Variants in SYNDIG1L observed in about 807,000 individuals in gnomAD.
SYNDIG1L encodes the protein synapse differentiation-inducing gene protein 1-like.
SYNDIG1L carries 13 observed loss-of-function variants against 20.1 expected under a neutral mutation model. The observed-to-expected ratio is 0.65, with a 90% CI of 0.42 to 1.03. The LOEUF (loss-of-function observed/expected upper bound fraction) is 1.03, where lower values mean the gene tolerates loss of function less well. Among genes scored for constraint, SYNDIG1L ranks in the 50% least tolerant of loss-of-function variants. The pLI, the probability that SYNDIG1L is intolerant of heterozygous loss-of-function variation, is 0.00. For synonymous variants in SYNDIG1L, 128 were observed against 129.3 expected (o/e 0.99, Z 0.07); for missense variants, 294 against 305.1 (o/e 0.96, Z 0.27).
the SYNDIG1L span, among the ~76,000 whole-genome samples, chr14:74,449,725 A>G: frequency 2.0e-5 from 3 of 152,016 alleles, no homozygotes; most frequent in Admixed American, 6.6e-5. Flanking sequence ...TCTCCACACC[A>G]TGATTCTGTA....
the SYNDIG1L span, among the ~76,000 whole-genome samples, chr14:74,436,181 C>G: frequency 6.6e-6 from 1 of 151,864 alleles, no homozygotes; most frequent in Admixed American, 6.6e-5. Flanking sequence ...CAGAGTACTC[C>G]CTTTGCATGT....
Position 74,409,807 on chromosome 14 carries a change from A to G in SYNDIG1L, c.-57-6T>C. On this transcript the variant is annotated splice_region_variant and splice_polypyrimidine_tract_variant and intron_variant, in intron 1 of 3. Coordinates refer to ENST00000331628, the MANE Select transcript of SYNDIG1L (RefSeq NM_001105579.2). ...AGCTGAGCAGTCCTCAGAGCCTGTC[A>G]GAAGAGCAAGACAGACAAGCACTGA... 1 of 1,378,868 alleles carries G rather than the reference A, an allele frequency of 7.3e-7. No individual in the cohort carries two copies. The highest frequency in any genetic ancestry group is 2.2e-4 in the Middle Eastern group (1 of 4,606). 85.4% of individuals were successfully genotyped at this position (1,378,868 alleles called of 1,614,324 possible).
Position 74,418,031 on chromosome 14 carries a change from C to T in SYNDIG1L, c.-58+7881G>A, listed in dbSNP as rs540598531. Among the ~76,000 whole-genome samples, 7 of 152,280 alleles carry T rather than the reference C, an allele frequency of 4.6e-5. No individual in the cohort carries two copies. In the South Asian group the frequency reaches 6.2e-4, roughly 14 times the overall value. ...GAGATAAAAACCAGAACTTCCTAATCGGGCAGAAGATTAAATGTAAATTAT... is the reference window on the plus strand; with the variant it reads ...GAGATAAAAACCAGAACTTCCTAATTGGGCAGAAGATTAAATGTAAATTAT... On this transcript the variant is annotated intron_variant, in intron 1 of 3. Transcript: ENST00000331628.
intron 1 of SYNDIG1L, among the ~76,000 whole-genome samples, chr14:74,417,531 C>G (rs1466294571): frequency 6.6e-6 from 1 of 152,182 alleles, no homozygotes; most frequent in East Asian, 1.9e-4. Flanking sequence ...ATGAGGTGTT[C>G]CATGTGCTTT....
chr14:74,425,322 G>A (rs1341832506), intron 1 of SYNDIG1L, among the ~76,000 whole-genome samples: 1 of 152,172 alleles, frequency 6.6e-6, no homozygotes, highest in African/African-American at 2.4e-5. Context: ...TTCTGTGAGC[G>A]TCAAGAGTGT....
intron 1 of SYNDIG1L, among the ~76,000 whole-genome samples, chr14:74,419,161 G>A (rs771202961): frequency 2.0e-4 from 31 of 152,156 alleles, no homozygotes; most frequent in Admixed American, 5.2e-4. Flanking sequence ...TCCTTAGAGA[G>A]GTCATCCCTA....
chr14:74,424,271 A>G (rs2086247779), intron 1 of SYNDIG1L, among the ~76,000 whole-genome samples: 1 of 152,336 alleles, frequency 6.6e-6, no homozygotes, highest in Admixed American at 6.5e-5. Context: ...ATGAACCCCC[A>G]GAGGGGAATG....
chr14:74,454,828 A>G, the SYNDIG1L span, among the ~76,000 whole-genome samples: 6 of 152,280 alleles, frequency 3.9e-5, no homozygotes, highest in Non-Finnish European at 7.3e-5. Flanking sequence ...TCGATCCCCC[A>G]CAGAAAACAA....
chr14:74,410,145 G>T (rs2086120252), intron 1 of SYNDIG1L, among the ~76,000 whole-genome samples: 2 of 152,188 alleles, frequency 1.3e-5, no homozygotes, highest in Non-Finnish European at 1.5e-5. Flanking sequence ...TGCCTGCTTT[G>T]TCTTCACAAA....
the SYNDIG1L span, among the ~76,000 whole-genome samples, chr14:74,473,403 A>G: frequency 1.3e-5 from 2 of 152,156 alleles, no homozygotes; most frequent in African/African-American, 2.4e-5. Flanking sequence ...ATAAATAAAT[A>G]TATAAATACT....
At chr14:74,454,891 TACTC>T in the SYNDIG1L span, among the ~76,000 whole-genome samples, 1 of 152,238 alleles carries the variant, frequency 6.6e-6, no homozygotes, top group African/African-American at 2.4e-5. Flanking sequence ...AGGTTATAGT[TACTC>T]AATCAAACAC....
the SYNDIG1L span, among the ~76,000 whole-genome samples, chr14:74,468,468 G>C: frequency 6.6e-6 from 1 of 151,858 alleles, no homozygotes; most frequent in African/African-American, 2.4e-5. Context: ...CTCCCTTCTC[G>C]GGGACATTCT....
At chr14:74,471,289 A>C in the SYNDIG1L span, among the ~76,000 whole-genome samples, 2 of 152,162 alleles carry the variant, frequency 1.3e-5, no homozygotes, top group Admixed American at 1.3e-4. Context: ...CCGGCAGAGG[A>C]ATCTTGATAA....
At chr14:74,436,931 C>T in the SYNDIG1L span, among the ~76,000 whole-genome samples, 2 of 151,848 alleles carry the variant, frequency 1.3e-5, no homozygotes, top group Non-Finnish European at 2.9e-5. Flanking sequence ...GGCTGGATGC[C>T]CCCTCTCTGG....
chr14:74,437,991 C>A, the SYNDIG1L span, among the ~76,000 whole-genome samples: 1 of 152,190 alleles, frequency 6.6e-6, no homozygotes, highest in African/African-American at 2.4e-5. Context: ...GAAGTCCTGT[C>A]TAGAAATATA....
the SYNDIG1L span, among the ~76,000 whole-genome samples, chr14:74,433,738 A>G: frequency 6.6e-6 from 1 of 152,126 alleles, no homozygotes; most frequent in Non-Finnish European, 1.5e-5. Context: ...CATCCCTATT[A>G]TGCAGATGTG....
chr14:74,476,892 T>C, the SYNDIG1L span, among the ~76,000 whole-genome samples: 1 of 152,098 alleles, frequency 6.6e-6, no homozygotes, highest in Non-Finnish European at 1.5e-5. Flanking sequence ...AATCTAGGGA[T>C]AGGCTGAGGA....
chr14:74,464,573 A>G, the SYNDIG1L span, among the ~76,000 whole-genome samples: 5 of 152,160 alleles, frequency 3.3e-5, no homozygotes, highest in Non-Finnish European at 1.5e-5. Flanking sequence ...CAGCTTCAGA[A>G]TAACCCAGCA....
At chr14:74,456,136 C>T in the SYNDIG1L span, among the ~76,000 whole-genome samples, 5 of 152,160 alleles carry the variant, frequency 3.3e-5, no homozygotes, top group Non-Finnish European at 7.4e-5. Flanking sequence ...GCTTCTTGTC[C>T]TGTTCTTGCT....
Sources: gnomAD v4.1 joint callset for allele counts (sites outside exome capture counted in the v4.1 genomes callset) on GRCh38, gnomAD v4.1.1 for gene constraint, MANE v1.5 for transcripts, NCBI Gene and HGNC (gene_info 2026-07-23, HGNC 2026-07-21) for gene names.